The following GATAD2A variants were observed in gnomAD, a reference collection of about 807,000 sequenced individuals.
GATAD2A encodes the protein transcriptional repressor p66-alpha.
GATAD2A carries 12 observed loss-of-function variants against 68.5 expected under a neutral mutation model. The observed-to-expected ratio is 0.18, with a 90% CI of 0.11 to 0.28. The LOEUF (loss-of-function observed/expected upper bound fraction) is 0.28. Ranked by LOEUF, GATAD2A falls within the 10% of genes least tolerant of loss-of-function variation. GATAD2A has a pLI of 1.00. For missense variants in GATAD2A, 755 were observed against 868.5 expected (o/e 0.87, Z 1.64); for synonymous variants, 410 against 375.3 (o/e 1.09, Z -1.07).
Position 19,505,628 on chromosome 19 carries a change from T to C in GATAD2A, c.*154T>C. The C allele has an allele frequency of 1.6e-6, 1 of 637,666 alleles. No homozygotes were observed. Among genetic ancestry groups the C allele is most frequent in the Non-Finnish European group, 2.5e-6 (1 of 399,314 alleles). 39.5% of individuals were successfully genotyped at this position (637,666 alleles called of 1,614,324 possible). A position where few individuals can be genotyped will look rare whatever the true frequency, so the allele number is the denominator to read the frequency against. On this transcript the variant is annotated 3_prime_UTR_variant, in exon 12 of 12. Coordinates refer to ENST00000683918, the MANE Select transcript of GATAD2A (RefSeq NM_001384528.1). ...CATGCTGCAGAGGCAAGACCTCAAT[T>C]CTTGGCTGCAAAGTTTCATCAGGGC...
At chr19:19,485,748 G>T (rs2059386654) in intron 2 of GATAD2A, among the ~76,000 whole-genome samples, 1 of 152,220 alleles carries the variant, frequency 6.6e-6, no homozygotes, top group Admixed American at 6.5e-5. Context: ...CCTCAGGACT[G>T]CAGAGATGGG....
In GATAD2A at chr19:19,492,628, A is replaced by G. The variant is rs372673681; in HGVS notation, c.450A>G (p.Glu150=). 3 of 1,614,026 alleles carry G rather than the reference A, an allele frequency of 1.9e-6. No individual in the cohort carries two copies. Among genetic ancestry groups the G allele is most frequent in the Non-Finnish European group, 2.5e-6 (3 of 1,179,980 alleles). ...ERERMIKQLK[E]ELRLEEAKLV... ...AAAGGATGATCAAGCAGCTGAAGGAAGAATTGAGGTTAGAAGAAGCAAAAC... is the reference window on the plus strand; with the variant it reads ...AAAGGATGATCAAGCAGCTGAAGGAGGAATTGAGGTTAGAAGAAGCAAAAC... Residue 150 remains glutamate (E), a synonymous_variant, in exon 4 of 12, where the codon GAA becomes GAG. Coordinates refer to ENST00000683918, the MANE Select transcript of GATAD2A (RefSeq NM_001384528.1).
intron 5 of GATAD2A, among the ~76,000 whole-genome samples, chr19:19,495,543 A>G (rs1415787514): frequency 1.3e-5 from 2 of 149,894 alleles, no homozygotes; most frequent in Non-Finnish European, 3.0e-5. Flanking sequence ...TTCTGACCTC[A>G]TGATCTGCCT....
chr19:19,503,663 TG>T (rs1207164825), intron 11 of GATAD2A, among the ~76,000 whole-genome samples: 1 of 151,888 alleles, frequency 6.6e-6, no homozygotes, highest in Non-Finnish European at 1.5e-5. Flanking sequence ...TGTGTGTGTG[TG>T]TGTGTGTGTT....
chr19:19,409,088 T>G (rs1312858562), intron 1 of GATAD2A, among the ~76,000 whole-genome samples: 1 of 150,412 alleles, frequency 6.6e-6, no homozygotes, highest in Non-Finnish European at 1.5e-5. Context: ...TTTGGATATA[T>G]GAATTCCCAA....
At chr19:19,475,144 C>T (rs2058585922) in intron 2 of GATAD2A, among the ~76,000 whole-genome samples, 1 of 152,208 alleles carries the variant, frequency 6.6e-6, no homozygotes, top group African/African-American at 2.4e-5. Context: ...ACTATGCCTC[C>T]CCGCAGCTGC....
intron 2 of GATAD2A, among the ~76,000 whole-genome samples, chr19:19,469,475 A>G (rs868752536): frequency 1.3e-5 from 2 of 152,088 alleles, no homozygotes; most frequent in African/African-American, 4.8e-5. Flanking sequence ...GTTATACACT[A>G]AAAAATATTT....
intron 1 of GATAD2A, among the ~76,000 whole-genome samples, chr19:19,426,137 C>T (rs2053065738): frequency 6.6e-6 from 1 of 152,076 alleles, no homozygotes; most frequent in African/African-American, 2.4e-5. Flanking sequence ...AGTAGGGGCA[C>T]TATGGGTGGG....
intron 2 of GATAD2A, among the ~76,000 whole-genome samples, chr19:19,486,340 T>A (rs2059427492): frequency 2.0e-5 from 3 of 152,196 alleles, no homozygotes; most frequent in Admixed American, 1.3e-4. Context: ...CCCCAGGAAG[T>A]ACTGTCTTCT....
rs1486198148 is a variant in GATAD2A at position 19,505,439 on chromosome 19, C to T, written c.1870C>T (p.Pro624Ser). 8 of 1,608,814 alleles carry T rather than the reference C, an allele frequency of 5.0e-6. No homozygotes were observed. The highest frequency in any genetic ancestry group is 6.8e-6 in the Non-Finnish European group (8 of 1,177,434). ...AGAGTACCTCCTGGACATGATCCCACCCCGCTCCATCCCCCAGTCAGCCAC... is the reference window on the plus strand; with the variant it reads ...AGAGTACCTCCTGGACATGATCCCATCCCGCTCCATCCCCCAGTCAGCCAC... ...QREYLLDMIPPRSIPQSATWK is the reference protein window; with the variant it reads ...QREYLLDMIPSRSIPQSATWK The change falls in exon 12 of 12, where the codon CCC becomes TCC. Residue 624 changes from proline (P) to serine (S), a missense_variant. Physicochemically the swap from Pro to Ser is moderately conservative, Grantham distance 74 (BLOSUM62 -1). Transcript: ENST00000683918.
chr19:19,437,773 A>G (rs944285642), intron 1 of GATAD2A, among the ~76,000 whole-genome samples: 1 of 152,230 alleles, frequency 6.6e-6, no homozygotes. Flanking sequence ...TTATGGCTGA[A>G]TGATATTCCA....
intron 2 of GATAD2A, among the ~76,000 whole-genome samples, chr19:19,474,642 C>T (rs2058547094): frequency 6.6e-6 from 1 of 152,206 alleles, no homozygotes; most frequent in African/African-American, 2.4e-5. Flanking sequence ...GCACCCGCTG[C>T]TGTGCAAGGT....
chr19:19,496,525 G>T (rs941174358), intron 7 of GATAD2A, among the ~76,000 whole-genome samples: 2 of 152,252 alleles, frequency 1.3e-5, no homozygotes, highest in African/African-American at 4.8e-5. Flanking sequence ...TGAGGAAACA[G>T]CATGTGGCAC....
At chr19:19,440,262 T>A (rs915702934) in intron 1 of GATAD2A, 1 of 246,126 alleles carries the variant, frequency 4.1e-6, no homozygotes, top group Non-Finnish European at 7.9e-6. Context: ...TTTATTTATT[T>A]TTTATTTTTA....
intron 2 of GATAD2A, among the ~76,000 whole-genome samples, chr19:19,488,231 G>C (rs2059569811): frequency 6.6e-6 from 1 of 152,238 alleles, no homozygotes; most frequent in Non-Finnish European, 1.5e-5. Context: ...CCCACCTACA[G>C]CCTTGCCCCC....
intron 11 of GATAD2A, among the ~76,000 whole-genome samples, chr19:19,504,817 A>G (rs2060778760): frequency 1.3e-5 from 2 of 150,590 alleles, no homozygotes; most frequent in South Asian, 2.1e-4. Context: ...TCCAGCTGAT[A>G]TTTTTTTTAG....
Position 19,505,483 on chromosome 19 carries a change from A to G in GATAD2A, c.*9A>G. ...CAGCCACGTGGAAATAGTGCGAGCC[A>G]GGCCCCGTGGAAGACGGGCTCCCTC... On this transcript the variant is annotated 3_prime_UTR_variant, in exon 12 of 12. Transcript: ENST00000683918. The G allele has an allele frequency of 6.4e-7, 1 of 1,572,320 alleles. No individual in the cohort carries two copies. The highest frequency in any genetic ancestry group is 2.4e-5 in the East Asian group (1 of 41,904).
intron 8 of GATAD2A, among the ~76,000 whole-genome samples, chr19:19,499,200 C>A (rs903909221): frequency 2.0e-5 from 3 of 152,056 alleles, no homozygotes; most frequent in African/African-American, 7.2e-5. Context: ...GCACTGTGTC[C>A]TGGGGGATTT....
chr19:19,498,748 TG>T, intron 8 of GATAD2A, 26 bp downstream of exon 8: 1 of 1,578,924 alleles, frequency 6.3e-7, no homozygotes, highest in Non-Finnish European at 8.6e-7. Context: ...CCAGCCGGGC[TG>T]CTTCCGCCTC....
Sources: allele counts gnomAD v4.1 joint callset (sites outside exome capture counted in the v4.1 genomes callset), GRCh38; gene constraint gnomAD v4.1.1; transcripts MANE v1.5; gene names NCBI Gene and HGNC (gene_info 2026-07-23, HGNC 2026-07-21).